The following RPS6KC1 variants were observed in gnomAD, a reference collection of about 807,000 sequenced individuals.
RPS6KC1 encodes inactive ribosomal protein S6 kinase delta-1.
In RPS6KC1, 54 loss-of-function variants were observed where a neutral mutation model predicts 103.8. The ratio of observed to expected loss-of-function variants is 0.52; its 90% CI spans 0.42 to 0.65. The LOEUF is 0.65. Ranked by LOEUF, RPS6KC1 falls within the 30% of genes least tolerant of loss-of-function variation. The pLI, the probability that RPS6KC1 is intolerant of heterozygous loss-of-function variation, is 0.00. For missense variants in RPS6KC1, 1,151 were observed against 1,253.8 expected, an observed-to-expected ratio of 0.92 and a Z score of 1.24; for synonymous variants, 439 against 438.7, an observed-to-expected ratio of 1.00 and a Z score of -0.01.
At chr1:213,688,232 C>T in the RPS6KC1 span, among the ~76,000 whole-genome samples, 2 of 152,080 alleles carry the variant, frequency 1.3e-5, no homozygotes, top group Non-Finnish European at 2.9e-5. Flanking sequence ...TCCCCTGTAC[C>T]CTCCCACTTC....
the RPS6KC1 span, among the ~76,000 whole-genome samples, chr1:213,413,863 C>T: frequency 6.6e-6 from 1 of 152,214 alleles, no homozygotes; most frequent in Non-Finnish European, 1.5e-5. Flanking sequence ...GCATGACTCA[C>T]AAAGACAGCC....
chr1:213,577,810 G>A, the RPS6KC1 span, among the ~76,000 whole-genome samples: 2 of 152,332 alleles, frequency 1.3e-5, no homozygotes, highest in South Asian at 4.1e-4. Flanking sequence ...GTTTGGAATT[G>A]GAATTTATGT....
the RPS6KC1 span, among the ~76,000 whole-genome samples, chr1:213,792,490 C>T: frequency 6.6e-6 from 1 of 152,168 alleles, no homozygotes; most frequent in African/African-American, 2.4e-5. Flanking sequence ...CCAGAGCTCT[C>T]CCTCCTCCTT....
At chr1:213,305,962 A>G in the RPS6KC1 span, among the ~76,000 whole-genome samples, 1 of 152,222 alleles carries the variant, frequency 6.6e-6, no homozygotes, top group Non-Finnish European at 1.5e-5. Context: ...GACAGACCTC[A>G]TTCATTACCG....
At chr1:213,337,464 G>A in the RPS6KC1 span, among the ~76,000 whole-genome samples, 2 of 152,202 alleles carry the variant, frequency 1.3e-5, no homozygotes, top group African/African-American at 4.8e-5. Context: ...TGTGCCTCTA[G>A]ACAGCATTGA....
At chr1:213,814,159 T>C in the RPS6KC1 span, among the ~76,000 whole-genome samples, 1 of 152,260 alleles carries the variant, frequency 6.6e-6, no homozygotes, top group Non-Finnish European at 1.5e-5. Context: ...TGTGTCCAGC[T>C]GGCATGTATC....
intron 3 of RPS6KC1, among the ~76,000 whole-genome samples, chr1:213,085,026 G>T (rs1420331206): frequency 6.6e-6 from 1 of 152,194 alleles, no homozygotes; most frequent in Non-Finnish European, 1.5e-5. Flanking sequence ...CATACACTTG[G>T]TGGCGTAAAA....
At chr1:213,808,950 C>G in the RPS6KC1 span, among the ~76,000 whole-genome samples, 1 of 152,234 alleles carries the variant, frequency 6.6e-6, no homozygotes, top group Non-Finnish European at 1.5e-5. Context: ...ACTTTCTTAT[C>G]ATTCCTGTGT....
the RPS6KC1 span, among the ~76,000 whole-genome samples, chr1:213,726,200 C>T: frequency 3.2e-4 from 49 of 152,146 alleles, no homozygotes; most frequent in Admixed American, 3.1e-3. Context: ...ATCTTCTCAG[C>T]CTCAGCCTGG....
At chr1:213,119,153 T>G (rs2084053344) in intron 5 of RPS6KC1, among the ~76,000 whole-genome samples, 1 of 151,808 alleles carries the variant, frequency 6.6e-6, no homozygotes, top group Non-Finnish European at 1.5e-5. Flanking sequence ...GTTAGAAATA[T>G]TTGTAGGAGA....
the RPS6KC1 span, among the ~76,000 whole-genome samples, chr1:213,428,417 CCCTT>C: frequency 1.0e-5 from 1 of 96,076 alleles, no homozygotes; most frequent in African/African-American, 3.2e-5. Flanking sequence ...CTCCCTCCCT[CCCTT>C]CCTCTCCCCT....
At chr1:213,098,244 T>C (rs1169866786) in intron 3 of RPS6KC1, among the ~76,000 whole-genome samples, 1 of 151,690 alleles carries the variant, frequency 6.6e-6, no homozygotes, top group East Asian at 1.9e-4. Flanking sequence ...GCCTCCTGAA[T>C]ATCTGGGACT....
At chr1:213,827,590 A>G in the RPS6KC1 span, among the ~76,000 whole-genome samples, 4 of 152,164 alleles carry the variant, frequency 2.6e-5, no homozygotes, top group Admixed American at 6.5e-5. Flanking sequence ...GTTGGCTCCT[A>G]TGCTTACTTT....
the RPS6KC1 span, among the ~76,000 whole-genome samples, chr1:213,834,304 T>TATG: frequency 6.6e-6 from 1 of 152,142 alleles, no homozygotes; most frequent in Non-Finnish European, 1.5e-5. Flanking sequence ...GGATTACAGG[T>TATG]ATGAGCCACT....
At chr1:213,613,591 T>C in the RPS6KC1 span, among the ~76,000 whole-genome samples, 4 of 152,192 alleles carry the variant, frequency 2.6e-5, no homozygotes, top group African/African-American at 9.7e-5. Context: ...GCAGTAAAAA[T>C]GTATCTATTA....
chr1:213,765,895 T>C, the RPS6KC1 span, among the ~76,000 whole-genome samples: 5 of 152,240 alleles, frequency 3.3e-5, no homozygotes, highest in Non-Finnish European at 5.9e-5. Context: ...TTCTTCACAT[T>C]AATTTAAACC....
the RPS6KC1 span, among the ~76,000 whole-genome samples, chr1:213,759,035 G>A: frequency 6.6e-6 from 1 of 152,210 alleles, no homozygotes; most frequent in Admixed American, 6.5e-5. Context: ...ATGCTACAGA[G>A]ACTCTTTTGT....
At chr1:213,580,231 C>T in the RPS6KC1 span, among the ~76,000 whole-genome samples, 7 of 152,064 alleles carry the variant, frequency 4.6e-5, no homozygotes, top group African/African-American at 9.6e-5. Flanking sequence ...CCAACACTCA[C>T]GATGACTTTG....
rs370956154 is a variant in RPS6KC1 at position 213,129,102 on chromosome 1, G to A, written c.473-425G>A. Among the ~76,000 whole-genome samples, 41 of 152,198 alleles carry A rather than the reference G, an allele frequency of 2.7e-4. No homozygotes were observed. The South Asian group carries it at 8.3e-3, about 31-fold the overall frequency. ...AGCCCACGAGTTGGAGTGCAGCTGGGCAACATGGCAAGATGCTGTTCTCAA... is the reference window on the plus strand; with the variant it reads ...AGCCCACGAGTTGGAGTGCAGCTGGACAACATGGCAAGATGCTGTTCTCAA... On this transcript the variant is annotated intron_variant, in intron 5 of 14. Transcript: ENST00000366960.
Sources: allele counts gnomAD v4.1 joint callset (sites outside exome capture counted in the v4.1 genomes callset), GRCh38; gene constraint gnomAD v4.1.1; transcripts MANE v1.5; gene names NCBI Gene and HGNC (gene_info 2026-07-23, HGNC 2026-07-21).